The following ERBB4 variants were observed in gnomAD, a reference collection of about 807,000 sequenced individuals.
ERBB4 encodes the protein erb-b2 receptor tyrosine kinase 4.
A neutral mutation model predicts 158.0 loss-of-function variants in ERBB4; 42 were observed. The ratio of observed to expected loss-of-function variants is 0.27; its 90% CI spans 0.21 to 0.34. The LOEUF (loss-of-function observed/expected upper bound fraction) is 0.34, where lower values mean the gene tolerates loss of function less well. Among genes scored for constraint, ERBB4 ranks in the 10% least tolerant of loss-of-function variants. The probability of loss-of-function intolerance (pLI) is 1.00; values close to 1 mark genes in which losing one functional copy is unlikely to be tolerated. For missense variants in ERBB4, 1,333 were observed against 1,624.1 expected, an observed-to-expected ratio of 0.82 and a Z score of 3.08; for synonymous variants, 583 against 558.7, an observed-to-expected ratio of 1.04 and a Z score of -0.61.
chr2:212,254,745 A>G (rs1465684403), intron 1 of ERBB4, among the ~76,000 whole-genome samples: 1 of 152,208 alleles, frequency 6.6e-6, no homozygotes, highest in East Asian at 1.9e-4. Flanking sequence ...GTGAATATTC[A>G]GGATGTGCAG....
rs2069067989 is a variant in ERBB4 at position 211,608,344 on chromosome 2, T to C, written c.2301+10833A>G. On this transcript the variant is annotated intron_variant, in intron 19 of 27. Transcript: ENST00000342788. ...TACATGTGGCCCACCTGCCTCTCATTTAATGTGATCTTTTGGAGGAGGCAG... is the reference window on the plus strand; with the variant it reads ...TACATGTGGCCCACCTGCCTCTCATCTAATGTGATCTTTTGGAGGAGGCAG... Among the ~76,000 whole-genome samples, 4 of 152,242 alleles carry C rather than the reference T, an allele frequency of 2.6e-5. No individual in the cohort carries two copies. The South Asian group carries it at 8.3e-4, about 32-fold the overall frequency.
intron 20 of ERBB4, among the ~76,000 whole-genome samples, chr2:211,537,674 T>C (rs2066692853): frequency 6.6e-6 from 1 of 151,954 alleles, no homozygotes; most frequent in Non-Finnish European, 1.5e-5. Flanking sequence ...AGCTTCCAAA[T>C]ATAAAGTCCA....
At chr2:211,602,186 G>C (rs1186862439) in intron 19 of ERBB4, among the ~76,000 whole-genome samples, 1 of 152,010 alleles carries the variant, frequency 6.6e-6, no homozygotes, top group African/African-American at 2.4e-5. Context: ...ACAGGCCCAG[G>C]ACCTGATTTG....
chr2:212,405,514 A>G (rs2091320658), intron 1 of ERBB4, among the ~76,000 whole-genome samples: 1 of 152,074 alleles, frequency 6.6e-6, no homozygotes, highest in Non-Finnish European at 1.5e-5. Context: ...AAATCATTCT[A>G]CCATAAAGAC....
At chr2:211,462,851 T>C (rs2064572810) in intron 20 of ERBB4, among the ~76,000 whole-genome samples, 1 of 152,226 alleles carries the variant, frequency 6.6e-6, no homozygotes, top group African/African-American at 2.4e-5. Flanking sequence ...TCAAAATCAA[T>C]GTTTTTGTTT....
chr2:211,566,275 G>C (rs2067544673), intron 19 of ERBB4, among the ~76,000 whole-genome samples: 1 of 152,178 alleles, frequency 6.6e-6, no homozygotes, highest in Admixed American at 6.5e-5. Flanking sequence ...CAATGGCTCA[G>C]AGAGAAGAGA....
chr2:211,886,013 T>C (rs533667455), intron 3 of ERBB4, among the ~76,000 whole-genome samples: 1 of 152,296 alleles, frequency 6.6e-6, no homozygotes, highest in East Asian at 1.9e-4. Context: ...TTTTTACCAA[T>C]TCAAATTATA....
Position 212,290,291 on chromosome 2 carries a change from G to A in ERBB4, c.83-165388C>T, listed in dbSNP as rs189501219. 1.8e-3 allele frequency among the ~76,000 whole-genome samples: 272 copies of A among 152,198 alleles called. 1 individual carries two copies. The highest frequency in any genetic ancestry group is 6.1e-3 in the African/African-American group (252 of 41,552). On this transcript the variant is annotated intron_variant, in intron 1 of 27. Coordinates refer to ENST00000342788, the MANE Select transcript of ERBB4 (RefSeq NM_005235.3). ...AAAGCCACCACTGTAAGTCTGACCA[G>A]TATCGTTCCAACGACTTCTACGTGT...
chr2:211,832,702 G>T (rs553683348), intron 3 of ERBB4, among the ~76,000 whole-genome samples: 2 of 151,248 alleles, frequency 1.3e-5, no homozygotes, highest in East Asian at 3.9e-4. Context: ...TTTCAAAAAG[G>T]GGCTGGCATG....
At chr2:212,466,108 AAAC>A (rs1232593397) in intron 1 of ERBB4, among the ~76,000 whole-genome samples, 2 of 152,226 alleles carry the variant, frequency 1.3e-5, no homozygotes, top group Admixed American at 6.5e-5. Context: ...AATATTCAAG[AAAC>A]TATTATTATT....
At chr2:212,165,796 T>G (rs1158288512) in intron 1 of ERBB4, among the ~76,000 whole-genome samples, 3 of 152,056 alleles carry the variant, frequency 2.0e-5, no homozygotes, top group Non-Finnish European at 4.4e-5. Context: ...AAACAATTTT[T>G]GGGTTAAACT....
At chr2:211,466,346 TTTTA>T (rs990347664) in intron 20 of ERBB4, among the ~76,000 whole-genome samples, 17 of 138,570 alleles carry the variant, frequency 1.2e-4, no homozygotes, top group African/African-American at 4.9e-4. Context: ...TTTTTTTTTT[TTTTA>T]AAAAAAAAAA....
At position 211,695,042 on chromosome 2, in the gene ERBB4, TATG is replaced by T. The variant is rs2072963263; in HGVS notation, c.1489+6922_1489+6924del. ...TATTTTATAGAAATCCAACATTTCT[TATG>T]ATGTTATAGTAAGTAAAATGCTTGC... On this transcript the variant is annotated intron_variant, in intron 12 of 27. Coordinates refer to ENST00000342788, the MANE Select transcript of ERBB4 (RefSeq NM_005235.3). Among the ~76,000 whole-genome samples, 5 of 152,320 alleles carry T rather than the reference TATG, an allele frequency of 3.3e-5. No individual in the cohort carries two copies. The South Asian group carries it at 8.3e-4, about 25-fold the overall frequency.
In ERBB4 at chr2:212,469,898, G is replaced by A. The variant is rs958268031; in HGVS notation, c.82+68551C>T. 9.9e-5 allele frequency among the ~76,000 whole-genome samples: 15 copies of A among 151,930 alleles called. No homozygotes were observed. The East Asian group carries it at 2.3e-3, about 23-fold the overall frequency. On this transcript the variant is annotated intron_variant, in intron 1 of 27. Coordinates refer to ENST00000342788, the MANE Select transcript of ERBB4 (RefSeq NM_005235.3). ...AAATATTCCCTATGCTCCTCTTTTC[G>A]GATGGAACATCAGTTATCTTTAGCT...
chr2:212,124,812 A>T lies in ERBB4; in HGVS notation c.174T>A (p.Val58=), dbSNP rs2125570963. ...TGGTTATCTCCAGGTTGCCCATGAC[A>T]ACCTCACAGTTTTCATAGTACTTGC... ...ALRKYYENCE[V]VMGNLEITSI... is the part of the protein sequence containing the mutation. Residue 58 remains valine, a synonymous_variant, in exon 2 of 28, where the codon GTT becomes GTA. Coordinates refer to ENST00000342788, the MANE Select transcript of ERBB4 (RefSeq NM_005235.3). The T allele has an allele frequency of 6.2e-7, 1 of 1,614,188 alleles. No individual in the cohort carries two copies. The highest frequency in any genetic ancestry group is 8.5e-7 in the Non-Finnish European group (1 of 1,180,012).
At chr2:212,087,433 T>C (rs1402168184) in intron 2 of ERBB4, among the ~76,000 whole-genome samples, 1 of 152,138 alleles carries the variant, frequency 6.6e-6, no homozygotes, top group Non-Finnish European at 1.5e-5. Flanking sequence ...TCTATAGCTA[T>C]GATTCTGTCA....
intron 2 of ERBB4, among the ~76,000 whole-genome samples, chr2:212,043,447 A>G (rs560591186): frequency 2.0e-4 from 31 of 152,308 alleles, no homozygotes; most frequent in African/African-American, 7.0e-4. Flanking sequence ...GCAATACATT[A>G]TATCAGATGT....
intron 1 of ERBB4, among the ~76,000 whole-genome samples, chr2:212,351,273 A>T (rs1202393349): frequency 6.6e-6 from 1 of 152,082 alleles, no homozygotes; most frequent in Non-Finnish European, 1.5e-5. Flanking sequence ...TACCCACAAG[A>T]CACAAGAGGG....
At chr2:212,007,647 T>C (rs10427313) in intron 2 of ERBB4, among the ~76,000 whole-genome samples, 15,774 of 151,928 alleles carry the variant, frequency 0.1, 1,255 homozygotes, top group African/African-American at 0.22. Flanking sequence ...TTGTCAAAAA[T>C]CAATAGTCTC....
Sources: gnomAD v4.1 joint callset for allele counts (sites outside exome capture counted in the v4.1 genomes callset) on GRCh38, gnomAD v4.1.1 for gene constraint, MANE v1.5 for transcripts, NCBI Gene and HGNC (gene_info 2026-07-23, HGNC 2026-07-21) for gene names.